FSTL5: variants seen among roughly 807,000 people sequenced by gnomAD.
FSTL5 encodes follistatin like 5, also known as follistatin-related protein 5.
In FSTL5, 62 loss-of-function variants were observed where a neutral mutation model predicts 89.1. That is an observed-to-expected ratio of 0.70 (90% CI 0.57 to 0.86). The LOEUF (loss-of-function observed/expected upper bound fraction) is 0.86, where lower values mean the gene tolerates loss of function less well. Ranked by LOEUF, FSTL5 falls within the 40% of genes least tolerant of loss-of-function variation. The probability of loss-of-function intolerance (pLI) is 0.00; values close to 1 mark genes in which losing one functional copy is unlikely to be tolerated. For missense variants in FSTL5, 1,057 were observed against 1,001.6 expected (o/e 1.06, Z -0.75); for synonymous variants, 383 against 346.2 (o/e 1.11, Z -1.18).
At chr4:161,977,762 T>C (rs1212510269) in intron 3 of FSTL5, among the ~76,000 whole-genome samples, 3 of 151,556 alleles carry the variant, frequency 2.0e-5, no homozygotes, top group South Asian at 4.2e-4. Flanking sequence ...GGAATTCAAA[T>C]CCAACTATAA....
chr4:162,034,192 A>C (rs1201916178), intron 2 of FSTL5, among the ~76,000 whole-genome samples: 1 of 152,060 alleles, frequency 6.6e-6, no homozygotes, highest in African/African-American at 2.4e-5. Flanking sequence ...TGGATTCATA[A>C]ATAAATAAAC....
At chr4:161,920,687 T>C (rs1374476152) in intron 3 of FSTL5, 35 bp from the exon 4 acceptor site, 23 of 1,575,226 alleles carry the variant, frequency 1.5e-5, no homozygotes, top group East Asian at 2.2e-5. Flanking sequence ...AATCGTTTGG[T>C]TCATTTGTCC....
chr4:161,679,141 A>G (rs1737426948), intron 6 of FSTL5, among the ~76,000 whole-genome samples: 2 of 151,736 alleles, frequency 1.3e-5, no homozygotes, highest in African/African-American at 4.8e-5. Flanking sequence ...TAAAGAGGAG[A>G]TCATGGATGA....
At chr4:161,964,530 A>C (rs1034178843) in intron 3 of FSTL5, among the ~76,000 whole-genome samples, 1 of 152,002 alleles carries the variant, frequency 6.6e-6, no homozygotes, top group Non-Finnish European at 1.5e-5. Flanking sequence ...AGAAAATCTC[A>C]AGCTTTTTTA....
chr4:162,066,931 C>T (rs1215890807), intron 2 of FSTL5, among the ~76,000 whole-genome samples: 1 of 152,014 alleles, frequency 6.6e-6, no homozygotes, highest in Non-Finnish European at 1.5e-5. Context: ...GAATTATAAT[C>T]CTTTGGTTAT....
chr4:161,439,280 G>A (rs1197390084), intron 15 of FSTL5, among the ~76,000 whole-genome samples: 1 of 152,210 alleles, frequency 6.6e-6, no homozygotes, highest in Non-Finnish European at 1.5e-5. Flanking sequence ...TGTAAACGAA[G>A]GGAAGGCAAA....
At chr4:161,955,793 T>C (rs1457656108) in intron 3 of FSTL5, among the ~76,000 whole-genome samples, 2 of 151,866 alleles carry the variant, frequency 1.3e-5, no homozygotes, top group Non-Finnish European at 2.9e-5. Context: ...CCATGTGACA[T>C]GGGTTTAATT....
At chr4:161,454,546 C>A (rs1306384964) in intron 15 of FSTL5, among the ~76,000 whole-genome samples, 1 of 152,020 alleles carries the variant, frequency 6.6e-6, no homozygotes, top group Non-Finnish European at 1.5e-5. Flanking sequence ...ACAATATGAT[C>A]AAAAAATGAT....
intron 4 of FSTL5, among the ~76,000 whole-genome samples, chr4:161,776,461 A>AG (rs1171822093): frequency 6.9e-6 from 1 of 144,280 alleles, no homozygotes; most frequent in Non-Finnish European, 1.5e-5. Context: ...AAGTACAAGA[A>AG]GGTGAAATCA....
intron 3 of FSTL5, among the ~76,000 whole-genome samples, chr4:161,938,607 G>T (rs1210467687): frequency 6.6e-6 from 1 of 151,964 alleles, no homozygotes; most frequent in African/African-American, 2.4e-5. Context: ...ATACAATTGG[G>T]TGGTTGGAAT....
intron 8 of FSTL5, among the ~76,000 whole-genome samples, chr4:161,551,105 G>A (rs1313442383): frequency 6.6e-6 from 1 of 151,888 alleles, no homozygotes; most frequent in African/African-American, 2.4e-5. Context: ...ATCCAGTAAT[G>A]GGATGGCTGG....
intron 13 of FSTL5, among the ~76,000 whole-genome samples, chr4:161,461,261 G>T (rs1733562745): frequency 6.9e-6 from 1 of 144,540 alleles, no homozygotes; most frequent in Admixed American, 7.0e-5. Context: ...TAGATACCAC[G>T]GCGAAACCCC....
chr4:162,067,456 T>C (rs1419220479), intron 2 of FSTL5, among the ~76,000 whole-genome samples: 1 of 152,094 alleles, frequency 6.6e-6, no homozygotes, highest in East Asian at 1.9e-4. Context: ...TGCATGCATG[T>C]ATCTTTATAA....
intron 15 of FSTL5, among the ~76,000 whole-genome samples, chr4:161,441,924 C>A: frequency 6.6e-6 from 1 of 152,060 alleles, no homozygotes; most frequent in Non-Finnish European, 1.5e-5. Flanking sequence ...TTAACTAGGG[C>A]TATTCGCTAA....
chr4:161,646,821 T>A (rs1389854068), intron 7 of FSTL5, among the ~76,000 whole-genome samples: 2 of 152,194 alleles, frequency 1.3e-5, no homozygotes. Context: ...CATCTTTTAA[T>A]CAGGTTACTA....
At chr4:162,002,766 G>A (rs554656920) in intron 3 of FSTL5, among the ~76,000 whole-genome samples, 1 of 151,232 alleles carries the variant, frequency 6.6e-6, no homozygotes, top group South Asian at 2.1e-4. Context: ...AGCTATATTG[G>A]TAATCAAATA....
chr4:161,901,864 G>A (rs538250105), intron 4 of FSTL5, among the ~76,000 whole-genome samples: 4 of 152,132 alleles, frequency 2.6e-5, no homozygotes, highest in Non-Finnish European at 5.9e-5. Context: ...GAACCCGGGA[G>A]GCAGAGGTTG....
chr4:161,411,374 C>T (rs1329915034), intron 15 of FSTL5, among the ~76,000 whole-genome samples: 4 of 140,838 alleles, frequency 2.8e-5, no homozygotes, highest in Non-Finnish European at 4.6e-5. Flanking sequence ...CTGGCAGAGA[C>T]GGAAAAAAAA....
chr4:161,863,802 CT>C (rs1476920939), intron 4 of FSTL5, among the ~76,000 whole-genome samples: 1 of 152,184 alleles, frequency 6.6e-6, no homozygotes, highest in East Asian at 1.9e-4. Flanking sequence ...CTCCAGGAGC[CT>C]TATTTCTTCT....
Sources: allele counts gnomAD v4.1 joint callset (sites outside exome capture counted in the v4.1 genomes callset), GRCh38; gene constraint gnomAD v4.1.1; transcripts MANE v1.5; gene names NCBI Gene and HGNC (gene_info 2026-07-23, HGNC 2026-07-21).